Variants in BAHCC1 observed in about 807,000 individuals in gnomAD.
The protein encoded by BAHCC1 is BAH and coiled-coil domain-containing protein 1.
A neutral mutation model predicts 88.2 loss-of-function variants in BAHCC1; 43 were observed. The ratio of observed to expected loss-of-function variants is 0.49; its 90% CI spans 0.38 to 0.63. The LOEUF is 0.63. BAHCC1 is among the 20% of genes least tolerant of loss of function. The pLI, the probability that BAHCC1 is intolerant of heterozygous loss-of-function variation, is 0.00. For synonymous variants in BAHCC1, 1,510 were observed against 745.5 expected, an observed-to-expected ratio of 2.03 and a Z score of -16.71; for missense variants, 3,023 against 1,654.8, an observed-to-expected ratio of 1.83 and a Z score of -14.34.
chr17:81,421,849 T>TG (rs2064119605), intron 2 of BAHCC1: 1 of 258,780 alleles, frequency 3.9e-6, no homozygotes, highest in Non-Finnish European at 8.2e-6. Flanking sequence ...GGGTCTCTCA[T>TG]GGTAGGCTCA....
At chr17:81,450,550 C>T (rs565063797) in intron 11 of BAHCC1, among the ~76,000 whole-genome samples, 138 of 152,326 alleles carry the variant, frequency 9.1e-4, no homozygotes, top group African/African-American at 3.2e-3. Context: ...CCTGGCAGCC[C>T]CTTCCTCCTG....
At chr17:81,407,908 A>G (rs1555647173) in intron 2 of BAHCC1, among the ~76,000 whole-genome samples, 1 of 152,176 alleles carries the variant, frequency 6.6e-6, no homozygotes, top group African/African-American at 2.4e-5. Context: ...GGCCCCTGGG[A>G]AAGCCAGGTT....
Position 81,399,706 on chromosome 17 carries a change from A to G in BAHCC1, c.-34A>G. 1 of 1,012,192 alleles carries G rather than the reference A, an allele frequency of 9.9e-7. No homozygotes were observed. Among genetic ancestry groups the G allele is most frequent in the Non-Finnish European group, 1.2e-6 (1 of 850,014 alleles). 62.7% of individuals were successfully genotyped at this position (1,012,192 alleles called of 1,614,324 possible). On this transcript the variant is annotated 5_prime_UTR_variant, in exon 2 of 28. Coordinates refer to ENST00000675386, the MANE Select transcript of BAHCC1 (RefSeq NM_001377448.1). The surrounding 1 kb of genome is among the most constrained non-coding windows in gnomAD (Gnocchi z 4.5). Reference sequence around the variant, plus strand: ...CCCGGGCCCCGGCCGCGCTGCTCCGAGGAAGCGGCGGCGGACCGGGGCCGG... The same window carrying G: ...CCCGGGCCCCGGCCGCGCTGCTCCGGGGAAGCGGCGGCGGACCGGGGCCGG...
chr17:81,418,827 G>GTGTGTGTGTGTGTGTA (rs1568003512), intron 2 of BAHCC1, among the ~76,000 whole-genome samples: 4 of 148,240 alleles, frequency 2.7e-5, no homozygotes, highest in African/African-American at 1.0e-4. Context: ...GTGTGTGTGT[G>GTGTGTGTGTGTGTGTA]TGTGTAGCCA....
chr17:81,438,525 G>A (rs2902761), intron 4 of BAHCC1, 33 bp downstream of exon 4: 3 of 749,814 alleles, frequency 4.0e-6, no homozygotes, highest in South Asian at 2.8e-5. Context: ...GTGGGGAGCA[G>A]GCATGCTGGA....
chr17:81,427,003 A>G (rs2064208082), intron 3 of BAHCC1, 24 bp downstream of exon 3: 4 of 398,300 alleles, frequency 1.0e-5, no homozygotes, highest in Non-Finnish European at 1.8e-5. Flanking sequence ...CTGGGCTCCC[A>G]GCGACACCCT....
chr17:81,450,049 C>T (rs2064605410), intron 11 of BAHCC1, among the ~76,000 whole-genome samples: 1 of 152,166 alleles, frequency 6.6e-6, no homozygotes, highest in Admixed American at 6.5e-5. Context: ...CTGAGATGAG[C>T]CATATCTCTG....
At chr17:81,441,489 C>T (rs577766840) in intron 4 of BAHCC1, among the ~76,000 whole-genome samples, 38 of 152,098 alleles carry the variant, frequency 2.5e-4, no homozygotes, top group Non-Finnish European at 4.9e-4. Flanking sequence ...GGTGAAACCC[C>T]GTCTCTACTA....
At position 81,452,763 on chromosome 17, in the gene BAHCC1, G is replaced by T; in HGVS notation, c.4357G>T (p.Gly1453Cys). Reference protein sequence around the residue: ...SSRSPARRGPGRPRKRKHSSS... With the variant: ...SSRSPARRGPCRPRKRKHSSS... ...ACGGAGCCCTGCACGGCGGGGGCCT[G>T]GCCGGCCGAGGAAGCGCAAACACTC... is the stretch of plus-strand genomic sequence containing the variant. Residue 1453 changes from glycine to cysteine, a missense_variant, in exon 14 of 28, where the codon GGC becomes TGC. Gly to Cys is a radical substitution (Grantham distance 159, BLOSUM62 -3). Coordinates refer to ENST00000675386, the MANE Select transcript of BAHCC1 (RefSeq NM_001377448.1). 1 of 744,926 alleles carries T rather than the reference G, an allele frequency of 1.3e-6. No individual in the cohort carries two copies. Among genetic ancestry groups the T allele is most frequent in the Admixed American group, 1.9e-5 (1 of 51,908 alleles). 46.1% of individuals were successfully genotyped at this position (744,926 alleles called of 1,614,324 possible). A position where few individuals can be genotyped will look rare whatever the true frequency, so the allele number is the denominator to read the frequency against.
chr17:81,447,875 CCA>C (rs1436016952), intron 11 of BAHCC1, 27 bp downstream of exon 11: 3 of 715,574 alleles, frequency 4.2e-6, no homozygotes, highest in Non-Finnish European at 7.8e-6. Context: ...CCGCCACCCC[CCA>C]GAGTCCCAGC....
At chr17:81,445,250 G>T (rs2064502686) in intron 9 of BAHCC1, 72 bp downstream of exon 9, 3 of 721,674 alleles carry the variant, frequency 4.2e-6, no homozygotes, top group Non-Finnish European at 7.7e-6. Flanking sequence ...CCTGGCTCCA[G>T]GAGACCCCTG....
chr17:81,399,736 C>G lies in BAHCC1; in HGVS notation c.-4C>G. The G allele has an allele frequency of 9.0e-7, 1 of 1,114,822 alleles. No individual in the cohort carries two copies. The highest frequency in any genetic ancestry group is 1.1e-6 in the Non-Finnish European group (1 of 915,430). 69.1% of individuals were successfully genotyped at this position (1,114,822 alleles called of 1,614,324 possible). A position where few individuals can be genotyped will look rare whatever the true frequency, so the allele number is the denominator to read the frequency against. ...GCGGCGGCGGACCGGGGCCGGGGCC[C>G]GGCATGGATGGCCGCGACTTTGCGC... On this transcript the variant is annotated 5_prime_UTR_variant, in exon 2 of 28. Coordinates refer to ENST00000675386, the MANE Select transcript of BAHCC1 (RefSeq NM_001377448.1). The surrounding 1 kb of genome is among the most constrained non-coding windows in gnomAD (Gnocchi z 4.5).
intron 1 of BAHCC1, among the ~76,000 whole-genome samples, chr17:81,398,235 C>T (rs2063766231): frequency 6.6e-6 from 1 of 152,204 alleles, no homozygotes; most frequent in Admixed American, 6.5e-5. Flanking sequence ...TTCGGAGGGA[C>T]GCCTGGGAGC....
chr17:81,409,218 C>T (rs1027521318), intron 2 of BAHCC1, among the ~76,000 whole-genome samples: 9 of 152,228 alleles, frequency 5.9e-5, no homozygotes, highest in Non-Finnish European at 1.3e-4. Context: ...CGTGTAGCAT[C>T]TTCAGTTGTC....
intron 15 of BAHCC1, among the ~76,000 whole-genome samples, chr17:81,455,736 C>A (rs185686827): frequency 5.3e-4 from 81 of 152,004 alleles, no homozygotes; most frequent in African/African-American, 1.9e-3. Context: ...CTTGGTGTGG[C>A]GGGGGCTCCT....
chr17:81,462,643 C>T (rs1322705314), intron 26 of BAHCC1, 97 bp from the exon 27 acceptor site: 1 of 661,108 alleles, frequency 1.5e-6, no homozygotes, highest in Non-Finnish European at 2.7e-6. Context: ...CTCAGACTCA[C>T]ACTCACACCC....
Position 81,459,283 on chromosome 17 carries a change from C to T in BAHCC1, c.5751C>T (p.Gly1917=). The change falls in exon 22 of 28, where the codon GGC becomes GGT. Residue 1917 remains glycine, a synonymous_variant. Transcript: ENST00000675386. Reference sequence around the variant, plus strand: ...GCATCGTCATCGAGGGCGAGAGGGGCAACCGGCAGAGGATCTACTCACTGG... The same window carrying T: ...GCATCGTCATCGAGGGCGAGAGGGGTAACCGGCAGAGGATCTACTCACTGG... ...IYSIVIEGER[G]NRQRIYSLEQ... is the part of the protein sequence containing the mutation. 1 of 779,482 alleles carries T rather than the reference C, an allele frequency of 1.3e-6. No individual in the cohort carries two copies. Among genetic ancestry groups the T allele is most frequent in the Non-Finnish European group, 2.4e-6 (1 of 417,738 alleles). 48.3% of individuals were successfully genotyped at this position (779,482 alleles called of 1,614,324 possible). A position where few individuals can be genotyped will look rare whatever the true frequency, so the allele number is the denominator to read the frequency against.
In BAHCC1 at chr17:81,459,133, C is replaced by T. The variant is rs373391006; in HGVS notation, c.5685C>T (p.Tyr1895=). 1.6e-4 allele frequency: 123 copies of T among 770,508 alleles called. 1 individual carries two copies. Among genetic ancestry groups the T allele is most frequent in the African/African-American group, 1.2e-3 (69 of 59,062 alleles). The allele number at this position is 770,508 out of a possible 1,614,324, so 47.7% of individuals were successfully genotyped here. A position where few individuals can be genotyped will look rare whatever the true frequency, so the allele number is the denominator to read the frequency against. The change falls in exon 21 of 28, where the codon TAC becomes TAT. Residue 1895 remains tyrosine, a synonymous_variant. Coordinates refer to ENST00000675386, the MANE Select transcript of BAHCC1 (RefSeq NM_001377448.1). ...TCCCCAAGGAGGATAGCCTGCTGTACGCGGGCAGCGTCAGGACCCTGCAGC... is the reference window on the plus strand; with the variant it reads ...TCCCCAAGGAGGATAGCCTGCTGTATGCGGGCAGCGTCAGGACCCTGCAGC... ...VLIPKEDSLL[Y]AGSVRTLQPP...
At chr17:81,416,023 T>C (rs2064017027) in intron 2 of BAHCC1, among the ~76,000 whole-genome samples, 3 of 150,276 alleles carry the variant, frequency 2.0e-5, no homozygotes, top group Admixed American at 2.0e-4. Flanking sequence ...TGTGTGTCCA[T>C]GAGGATGGGT....
Sources: gnomAD v4.1 joint callset for allele counts (sites outside exome capture counted in the v4.1 genomes callset) on GRCh38, gnomAD v4.1.1 for gene constraint, Gnocchi (gnomAD v3.1) non-coding constraint, MANE v1.5 for transcripts, NCBI Gene and HGNC (gene_info 2026-07-23, HGNC 2026-07-21) for gene names.